Variants in CLSTN3 observed in about 807,000 individuals in gnomAD.
CLSTN3 encodes the protein calsyntenin 3.
In CLSTN3, 36 loss-of-function variants were observed where a neutral mutation model predicts 95.9. The ratio of observed to expected loss-of-function variants is 0.38; its 90% CI spans 0.29 to 0.50. CLSTN3 has a LOEUF of 0.50. Among genes scored for constraint, CLSTN3 ranks in the 20% least tolerant of loss-of-function variants. The probability of loss-of-function intolerance (pLI) is 0.95; values close to 1 mark genes in which losing one functional copy is unlikely to be tolerated. For synonymous variants in CLSTN3, 481 were observed against 504.0 expected (o/e 0.95, Z 0.61); for missense variants, 1,084 against 1,268.8 (o/e 0.85, Z 2.21).
intron 16 of CLSTN3, among the ~76,000 whole-genome samples, chr12:7,154,101 C>T (rs573579442): frequency 6.6e-6 from 1 of 152,160 alleles, no homozygotes; most frequent in Non-Finnish European, 1.5e-5. Context: ...TCGTAGCTTC[C>T]CTGAGGGCAC....
At chr12:7,130,807 C>T in intron 1 of CLSTN3, 95 bp downstream of exon 1, 1 of 1,121,014 alleles carries the variant, frequency 8.9e-7, no homozygotes, top group Non-Finnish European at 1.3e-6. Context: ...TCCCTGGCAC[C>T]TGACAGGTGT....
rs1376374537 is a variant in CLSTN3 at position 7,158,044 on chromosome 12, A to T, written c.2834A>T (p.Glu945Val). ...SEVADSPSSDERRIIETPPHR... is the reference protein window; with the variant it reads ...SEVADSPSSDVRRIIETPPHR... ...GTGGCCGATTCCCCCAGCAGCGACGAGAGACGCATCATCGAGACCCCCCCA... is the reference window on the plus strand; with the variant it reads ...GTGGCCGATTCCCCCAGCAGCGACGTGAGACGCATCATCGAGACCCCCCCA... The change falls in exon 18 of 18, where the codon GAG becomes GTG. Residue 945 changes from glutamate to valine, a missense_variant. Physicochemically the swap from Glu to Val is moderately radical, Grantham distance 121. Coordinates refer to ENST00000266546, the MANE Select transcript of CLSTN3 (RefSeq NM_014718.4). 6.5e-7 allele frequency: 1 copy of T among 1,548,190 alleles called. No individual in the cohort carries two copies. Among genetic ancestry groups the T allele is most frequent in the Admixed American group, 2.0e-5 (1 of 50,926 alleles).
At chr12:7,144,914 G>A (rs1284074304) in intron 12 of CLSTN3, among the ~76,000 whole-genome samples, 1 of 152,298 alleles carries the variant, frequency 6.6e-6, no homozygotes, top group East Asian at 1.9e-4. Flanking sequence ...TAATGTGGGT[G>A]CAGCTGATTG....
intron 3 of CLSTN3, 109 bp from the exon 4 acceptor site, chr12:7,135,209 ATCTTGATGT>A (rs1939381683): frequency 1.1e-6 from 1 of 915,428 alleles, no homozygotes; most frequent in Non-Finnish European, 1.7e-6. Flanking sequence ...TCAAGGCTGT[ATCTTGATGT>A]ACCGTATCGA....
At chr12:7,144,636 T>C (rs978813191) in intron 12 of CLSTN3, among the ~76,000 whole-genome samples, 1 of 152,204 alleles carries the variant, frequency 6.6e-6, no homozygotes, top group Non-Finnish European at 1.5e-5. Flanking sequence ...AATTACATGA[T>C]TTAAGAGTTA....
chr12:7,141,218 C>G lies in CLSTN3; in HGVS notation c.1324-24C>G. On this transcript the variant is annotated intron_variant, in intron 8 of 17. Coordinates refer to ENST00000266546, the MANE Select transcript of CLSTN3 (RefSeq NM_014718.4). The surrounding 1 kb of genome is among the most constrained non-coding windows in gnomAD (Gnocchi z 4.1). The stretch of plus-strand genomic sequence containing the variant: ...CTGAAGACGAATTACCTGAGAGGCT[C>G]TTGCCCCTACCCTACTCTCCCAGGT... 1 of 1,608,660 alleles carries G rather than the reference C, an allele frequency of 6.2e-7. No individual in the cohort carries two copies. Among genetic ancestry groups the G allele is most frequent in the Non-Finnish European group, 8.5e-7 (1 of 1,176,890 alleles).
chr12:7,130,974 C>T (rs1391337327), intron 1 of CLSTN3: 3 of 571,024 alleles, frequency 5.3e-6, no homozygotes, highest in Non-Finnish European at 6.3e-6. Flanking sequence ...CCATTCCCGT[C>T]CTGGGGTCTC....
At position 7,136,894 on chromosome 12, in the gene CLSTN3, C is replaced by T. The variant is rs993119763; in HGVS notation, c.994C>T (p.Leu332Phe). 6.2e-7 allele frequency: 1 copy of T among 1,614,142 alleles called. No individual in the cohort carries two copies. Among genetic ancestry groups the T allele is most frequent in the Non-Finnish European group, 8.5e-7 (1 of 1,180,016 alleles). ...PGPNANWTAGLSVHYSQDSSL... is the reference protein window; with the variant it reads ...PGPNANWTAGFSVHYSQDSSL... ...CCCCAATGCCAACTGGACAGCAGGA[C>T]TCTCGGTGCACTACAGCCAGGACAG... The change falls in exon 7 of 18, where the codon CTC (leucine) becomes TTC (phenylalanine). Residue 332 changes from leucine to phenylalanine, a missense_variant. Physicochemically the swap from Leu to Phe is conservative, Grantham distance 22. Transcript: ENST00000266546.
chr12:7,149,109 A>G lies in CLSTN3; in HGVS notation c.1985A>G (p.Asn662Ser), dbSNP rs764047821. Reference protein sequence around the residue: ...ARPAVDFEGTNGVPLFPDLQI... With the variant: ...ARPAVDFEGTSGVPLFPDLQI... ...CCAGCTGTGGACTTTGAGGGAACCA[A>G]CGGCGTCCCTTTGTTCCCTGATCTT... The change falls in exon 13 of 18, where the codon AAC (asparagine) becomes AGC (serine). Residue 662 changes from asparagine (N) to serine (S), a missense_variant. By Grantham distance (46) the Asn-to-Ser change is conservative. Transcript: ENST00000266546. The surrounding 1 kb of genome is among the most constrained non-coding windows in gnomAD (Gnocchi z 4.5). 21 of 1,614,080 alleles carry G rather than the reference A, an allele frequency of 1.3e-5. No individual in the cohort carries two copies. Among genetic ancestry groups the G allele is most frequent in the Admixed American group, 6.7e-5 (4 of 60,006 alleles).
intron 16 of CLSTN3, among the ~76,000 whole-genome samples, chr12:7,154,549 A>G (rs77235434): frequency 0.035 from 5,337 of 152,220 alleles, 289 homozygotes; most frequent in African/African-American, 0.12. Context: ...TGAGAAGAGC[A>G]AGCCGGATGA....
chr12:7,139,118 G>T (rs1939483001), intron 8 of CLSTN3, among the ~76,000 whole-genome samples: 1 of 152,232 alleles, frequency 6.6e-6, no homozygotes, highest in African/African-American at 2.4e-5. Context: ...TACAATGAAT[G>T]AAACAAAATC....
Position 7,157,969 on chromosome 12 carries a change from C to T in CLSTN3, c.2759C>T (p.Thr920Met), listed in dbSNP as rs370309756. 70 of 1,551,128 alleles carry T rather than the reference C, an allele frequency of 4.5e-5. No homozygotes were observed. Among genetic ancestry groups the T allele is most frequent in the East Asian group, 7.3e-5 (3 of 40,936 alleles). Residue 920 changes from threonine to methionine, a missense_variant, in exon 18 of 18, where the codon ACG becomes ATG. Physicochemically the swap from Thr to Met is moderately conservative, Grantham distance 81. Coordinates refer to ENST00000266546, the MANE Select transcript of CLSTN3 (RefSeq NM_014718.4). The surrounding 1 kb of genome is among the most constrained non-coding windows in gnomAD (Gnocchi z 5.9). The part of the protein sequence containing the change: ...ESYQNRQSCV[T>M]GAVGGQQEDE... ...TACCAGAATCGGCAGTCCTGTGTGA[C>T]GGGGGCTGTTGGGGGCCAGCAGGAG...
Position 7,141,136 on chromosome 12 carries a change from AATAAAGG to A in CLSTN3, c.1324-105_1324-99del. The A allele has an allele frequency of 8.2e-7, 1 of 1,225,306 alleles. No individual in the cohort carries two copies. The highest frequency in any genetic ancestry group is 1.1e-6 in the Non-Finnish European group (1 of 871,146). The allele number at this position is 1,225,306 out of a possible 1,614,324, so 75.9% of individuals were successfully genotyped here. The stretch of plus-strand genomic sequence containing the variant: ...AGTAAGCCCTGTTGGTAGAACTGGG[AATAAAGG>A]GACTGTCCCCTGTCTCCCAGGAGAT... On this transcript the variant is annotated intron_variant, in intron 8 of 17. Transcript: ENST00000266546. This position sits in a 1 kb window ranked among gnomAD's most constrained non-coding sequence, Gnocchi z 4.1.
rs923153049 is a variant in CLSTN3 at position 7,137,348 on chromosome 12, T to G, written c.1210+238T>G. ...GCTACTCTTGTTTTCAGTTGCCCAG[T>G]CAACTTCTCTGTGTCCCACCATGTG... On this transcript the variant is annotated intron_variant, in intron 7 of 17. Coordinates refer to ENST00000266546, the MANE Select transcript of CLSTN3 (RefSeq NM_014718.4). This position sits in a 1 kb window ranked among gnomAD's most constrained non-coding sequence, Gnocchi z 4.4. 7.6e-6 allele frequency: 4 copies of G among 525,674 alleles called. No homozygotes were observed. Among genetic ancestry groups the G allele is most frequent in the African/African-American group, 3.8e-5 (2 of 52,514 alleles). The allele number at this position is 525,674 out of a possible 1,614,324, so 32.6% of individuals were successfully genotyped here.
chr12:7,136,108 G>A (rs372055791), intron 5 of CLSTN3, 98 bp from the exon 6 acceptor site: 243 of 1,512,942 alleles, frequency 1.6e-4, no homozygotes, highest in Non-Finnish European at 1.7e-4. Context: ...CCTGCCAGGA[G>A]CCCCAAACTG....
Position 7,131,746 on chromosome 12 carries a change from C to T in CLSTN3, c.64+1034C>T, listed in dbSNP as rs1247444236. On this transcript the variant is annotated intron_variant, in intron 1 of 17. Coordinates refer to ENST00000266546, the MANE Select transcript of CLSTN3 (RefSeq NM_014718.4). The stretch of plus-strand genomic sequence containing the variant: ...GCCTGCATCTCTGACCTCAGCCTCG[C>T]CTCCTAGCCTCCTGCCACTTCCTGT... The T allele has an allele frequency of 2.0e-5, 9 of 455,772 alleles. No homozygotes were observed. The Admixed American group carries it at 2.1e-4, about 11-fold the overall frequency. 28.2% of individuals were successfully genotyped at this position (455,772 alleles called of 1,614,324 possible).
chr12:7,145,343 AGG>A (rs1262946820), intron 12 of CLSTN3, among the ~76,000 whole-genome samples: 1 of 73,232 alleles, frequency 1.4e-5, no homozygotes, highest in Non-Finnish European at 2.9e-5. Context: ...GAAAATATAG[AGG>A]GGTGTGTGTG....
chr12:7,130,866 C>T (rs924258476), intron 1 of CLSTN3, 154 bp downstream of exon 1: 2 of 689,944 alleles, frequency 2.9e-6, no homozygotes, highest in Non-Finnish European at 5.2e-6. Context: ...CAGACCTGCT[C>T]CGTCTCCTCT....
At chr12:7,143,569 G>C (rs1939569894) in intron 12 of CLSTN3, among the ~76,000 whole-genome samples, 1 of 152,230 alleles carries the variant, frequency 6.6e-6, no homozygotes, top group Non-Finnish European at 1.5e-5. Flanking sequence ...TCCGGGCTTT[G>C]ATCTTCTCTA....
Sources: gnomAD v4.1 joint callset for allele counts (sites outside exome capture counted in the v4.1 genomes callset) on GRCh38, gnomAD v4.1.1 for gene constraint, Gnocchi (gnomAD v3.1) non-coding constraint, MANE v1.5 for transcripts, NCBI Gene and HGNC (gene_info 2026-07-23, HGNC 2026-07-21) for gene names.